The following RTL4 variants were observed in gnomAD, a reference collection of about 807,000 sequenced individuals.
RTL4 encodes retrotransposon Gag like 4.
A neutral mutation model predicts 5.3 loss-of-function variants in RTL4; 4 were observed. The observed-to-expected ratio is 0.75, with a 90% CI of 0.37 to 1.72. RTL4 has a LOEUF of 1.72. RTL4 is among the 40% of genes most tolerant of loss of function. The pLI is 0.04. For synonymous variants in RTL4, 98 were observed against 87.3 expected (o/e 1.12, Z -0.68); for missense variants, 260 against 227.1 (o/e 1.14, Z -0.93).
the RTL4 span, among the ~76,000 whole-genome samples, chrX:112,348,730 G>A: frequency 9.1e-6 from 1 of 110,196 alleles, no homozygotes; most frequent in Non-Finnish European, 1.9e-5. Context: ...ATGTGTTGGT[G>A]CCTTTTCTTC....
At chrX:112,142,682 T>C in the RTL4 span, among the ~76,000 whole-genome samples, 2 of 111,726 alleles carry the variant, frequency 1.8e-5, no homozygotes, top group African/African-American at 6.5e-5. Context: ...ACTACAAAGG[T>C]GCATGGAGTT....
chrX:112,155,821 A>G, the RTL4 span, among the ~76,000 whole-genome samples: 6 of 111,561 alleles, frequency 5.4e-5, no homozygotes, highest in East Asian at 1.4e-3. Context: ...CTTTTTGGAT[A>G]TCCTTACTTT....
At chrX:112,348,378 T>A in the RTL4 span, among the ~76,000 whole-genome samples, 1 of 109,863 alleles carries the variant, frequency 9.1e-6, no homozygotes, top group African/African-American at 3.3e-5. Flanking sequence ...GTGTTTTTTT[T>A]TTTTCTGTTT....
the RTL4 span, among the ~76,000 whole-genome samples, chrX:112,090,504 T>C: frequency 9.0e-6 from 1 of 111,402 alleles, no homozygotes; most frequent in African/African-American, 3.2e-5. Context: ...GATGTTCATA[T>C]GGTTTTTTCC....
At chrX:112,084,672 T>C in the RTL4 span, among the ~76,000 whole-genome samples, 1 of 111,290 alleles carries the variant, frequency 9.0e-6, no homozygotes, top group Non-Finnish European at 1.9e-5. Context: ...GATAAAACTT[T>C]GGGGGCATTT....
At chrX:112,411,235 G>T in the RTL4 span, among the ~76,000 whole-genome samples, 1 of 110,747 alleles carries the variant, frequency 9.0e-6, no homozygotes, top group Non-Finnish European at 1.9e-5. Flanking sequence ...GCAAACAGAA[G>T]CCAGGGAACT....
the RTL4 span, among the ~76,000 whole-genome samples, chrX:112,250,544 A>G: frequency 3.6e-5 from 4 of 111,664 alleles, no homozygotes; most frequent in Non-Finnish European, 5.6e-5. Flanking sequence ...CAGAGGTTGC[A>G]TTACTGTATT....
the RTL4 span, among the ~76,000 whole-genome samples, chrX:112,212,493 CCTT>C: frequency 1.8e-5 from 2 of 112,960 alleles, no homozygotes; most frequent in African/African-American, 6.4e-5. Context: ...TGGCCCCAAA[CCTT>C]CTCTTCTCCA....
chrX:112,322,944 G>A, the RTL4 span, among the ~76,000 whole-genome samples: 1 of 111,797 alleles, frequency 8.9e-6, no homozygotes, highest in Admixed American at 9.6e-5. Context: ...TCACCCAATA[G>A]AGGAAATTAT....
chrX:112,212,103 G>T, the RTL4 span, among the ~76,000 whole-genome samples: 1 of 112,591 alleles, frequency 8.9e-6, no homozygotes, highest in African/African-American at 3.2e-5. Context: ...TGGGCCGGGC[G>T]CGGTGGCTCA....
At chrX:112,441,175 T>C in the RTL4 span, among the ~76,000 whole-genome samples, 1 of 111,291 alleles carries the variant, frequency 9.0e-6, no homozygotes, top group Non-Finnish European at 1.9e-5. Context: ...CCTCCAGTAA[T>C]AGGAACCTCT....
chrX:112,446,317 T>C, the RTL4 span, among the ~76,000 whole-genome samples: 1 of 111,074 alleles, frequency 9.0e-6, no homozygotes, highest in Non-Finnish European at 1.9e-5. Context: ...AAGAGGAGAG[T>C]AGCCACAAAC....
At chrX:112,310,593 A>G in the RTL4 span, among the ~76,000 whole-genome samples, 1 of 45,240 alleles carries the variant, frequency 2.2e-5, no homozygotes, top group Non-Finnish European at 3.5e-5. Context: ...TCTATATTAT[A>G]TATTATATAT....
the RTL4 span, among the ~76,000 whole-genome samples, chrX:112,372,294 G>A: frequency 9.0e-6 from 1 of 111,492 alleles, no homozygotes; most frequent in African/African-American, 3.3e-5. Flanking sequence ...ATGTTATATA[G>A]TGTAGCAGTA....
chrX:112,106,171 G>A, the RTL4 span, among the ~76,000 whole-genome samples: 5 of 112,009 alleles, frequency 4.5e-5, no homozygotes, highest in African/African-American at 1.6e-4. Flanking sequence ...GGTGTATCAC[G>A]TTTGTGGATT....
the RTL4 span, among the ~76,000 whole-genome samples, chrX:112,390,119 AT>A: frequency 1.9e-3 from 32 of 16,715 alleles, no homozygotes; most frequent in African/African-American, 7.1e-3. Flanking sequence ...ATATATATAT[AT>A]ATATATATAT....
chrX:112,354,479 A>C, the RTL4 span, among the ~76,000 whole-genome samples: 1 of 111,803 alleles, frequency 8.9e-6, no homozygotes, highest in Non-Finnish European at 1.9e-5. Context: ...ATCCCATAAA[A>C]TTGGTTTTCA....
At chrX:112,396,979 T>C in the RTL4 span, among the ~76,000 whole-genome samples, 1 of 111,649 alleles carries the variant, frequency 9.0e-6, no homozygotes, top group African/African-American at 3.3e-5. Flanking sequence ...CAGAGGTAAA[T>C]TGCATGAGTT....
the RTL4 span, among the ~76,000 whole-genome samples, chrX:112,184,539 G>T: frequency 8.9e-6 from 1 of 111,820 alleles, no homozygotes; most frequent in Non-Finnish European, 1.9e-5. Flanking sequence ...CCCAAGAGAA[G>T]AGAGGAAATC....
Sources: gnomAD v4.1 joint callset for allele counts (sites outside exome capture counted in the v4.1 genomes callset) on GRCh38, gnomAD v4.1.1 for gene constraint, MANE v1.5 for transcripts, NCBI Gene and HGNC (gene_info 2026-07-23, HGNC 2026-07-21) for gene names.